WWTR1: variants seen among roughly 807,000 people sequenced by gnomAD.
WWTR1 encodes WW domain containing transcription regulator 1.
WWTR1 carries 13 observed loss-of-function variants against 40.1 expected under a neutral mutation model. The observed-to-expected ratio is 0.32, with a 90% CI of 0.21 to 0.52. The LOEUF is 0.52. WWTR1 is among the 20% of genes least tolerant of loss of function. WWTR1 has a pLI of 0.97. For missense variants in WWTR1, 436 were observed against 523.1 expected (o/e 0.83, Z 1.63); for synonymous variants, 230 against 210.1 (o/e 1.09, Z -0.82).
chr3:149,668,412 G>T (rs1713923227), intron 2 of WWTR1, among the ~76,000 whole-genome samples: 1 of 151,984 alleles, frequency 6.6e-6, no homozygotes, highest in Non-Finnish European at 1.5e-5. Context: ...TTTGAGACCA[G>T]CCTGGCCGAC....
rs1181533843 is a variant in WWTR1, at chr3:149,710,580, C to G, written n.584+6862G>C. On this transcript the variant is annotated intron_variant and non_coding_transcript_variant, in intron 5 of 6. Transcript: ENST00000474080. ...ATCATTATCCCCGCCTCCCCCCCCC[C>G]CCTTTTTTTTTTTTTTTGAGATTGA... Among the ~76,000 whole-genome samples, 24 of 84,454 alleles carry G rather than the reference C, an allele frequency of 2.8e-4. No individual in the cohort carries two copies. The South Asian group carries it at 2.8e-3, about 10-fold the overall frequency. 55.4% of individuals were successfully genotyped at this position (84,454 alleles called of 152,430 possible).
At chr3:149,662,532 G>T (rs563438626), upstream of WWTR1, among the ~76,000 whole-genome samples, 9 of 152,200 alleles carry the variant, frequency 5.9e-5, no homozygotes, top group East Asian at 1.5e-3. Flanking sequence ...AAATGCTATT[G>T]ATTCTTTCTT....
intron 1 of WWTR1, among the ~76,000 whole-genome samples, chr3:149,696,433 C>T (rs1055172899): frequency 6.6e-6 from 1 of 152,202 alleles, no homozygotes; most frequent in African/African-American, 2.4e-5. Flanking sequence ...GATGACCTTA[C>T]AAGGTAAGTA....
intron 4 of WWTR1, among the ~76,000 whole-genome samples, chr3:149,541,774 C>A (rs1736111544): frequency 6.6e-6 from 1 of 152,098 alleles, no homozygotes; most frequent in Admixed American, 6.5e-5. Context: ...CTGAGATCGC[C>A]ACACCATAGA....
intron 2 of WWTR1, among the ~76,000 whole-genome samples, chr3:149,618,225 G>A (rs759720186): frequency 5.3e-5 from 8 of 152,270 alleles, no homozygotes; most frequent in African/African-American, 1.7e-4. Flanking sequence ...AGAACAGTAC[G>A]AAGGACTCCT....
In WWTR1 at chr3:149,552,184, G is replaced by A. The variant is rs1282587827; in HGVS notation, c.569-9647C>T. On this transcript the variant is annotated intron_variant, in intron 3 of 6. Coordinates refer to ENST00000360632, the MANE Select transcript of WWTR1 (RefSeq NM_015472.6). ...CTAACTCTCATGTTCCTGGACTTGT[G>A]CTCTTTATAAACAAGACCTGGGAAA... Among the ~76,000 whole-genome samples, 3 of 144,862 alleles carry A rather than the reference G, an allele frequency of 2.1e-5. 1 individual carries two copies. Among genetic ancestry groups the A allele is most frequent in the Non-Finnish European group, 4.5e-5 (3 of 66,178 alleles).
chr3:149,631,791 A>C (rs547889270), intron 2 of WWTR1, among the ~76,000 whole-genome samples: 1 of 152,316 alleles, frequency 6.6e-6, no homozygotes, highest in South Asian at 2.1e-4. Flanking sequence ...GGGAGACATG[A>C]ATTATCCCAA....
At chr3:149,539,257 C>A (rs1367792635) in intron 4 of WWTR1, among the ~76,000 whole-genome samples, 1 of 152,196 alleles carries the variant, frequency 6.6e-6, no homozygotes, top group African/African-American at 2.4e-5. Context: ...ATATTCTCCA[C>A]AGGGATCTTT....
intron 1 of WWTR1, among the ~76,000 whole-genome samples, chr3:149,687,233 G>A (rs747766467): frequency 3.9e-5 from 6 of 152,224 alleles, no homozygotes; most frequent in Middle Eastern, 3.4e-3. Flanking sequence ...CTTGCCCCGC[G>A]TGCTTATCTG....
intron 2 of WWTR1, among the ~76,000 whole-genome samples, chr3:149,641,692 C>T (rs777089185): frequency 6.6e-6 from 1 of 152,236 alleles, no homozygotes; most frequent in Non-Finnish European, 1.5e-5. Flanking sequence ...AAAATCATTT[C>T]TTTAATGTTG....
At chr3:149,525,829 G>C (rs538842523) in intron 6 of WWTR1, 184 bp downstream of exon 6, 13 of 392,796 alleles carry the variant, frequency 3.3e-5, no homozygotes, top group Non-Finnish European at 4.9e-5. Flanking sequence ...TGGGTGACGA[G>C]AGCAATCGTA....
chr3:149,567,224 A>G (rs923038164), intron 3 of WWTR1, among the ~76,000 whole-genome samples: 4 of 152,148 alleles, frequency 2.6e-5, no homozygotes, highest in African/African-American at 7.2e-5. Flanking sequence ...AAAGCATGAC[A>G]CTTTCTTTTG....
At position 149,573,567 on chromosome 3, in the gene WWTR1, AG is replaced by A; in HGVS notation, c.432-568del. ...CCAAAGGTGACACATAAAACCCTCA[AG>A]AAGCTCACTGTCACCAAGCAAGGTG... On this transcript the variant is annotated intron_variant, in intron 2 of 6. Transcript: ENST00000360632. Among the ~76,000 whole-genome samples the A allele has an allele frequency of 2.0e-5, 3 of 152,312 alleles. No individual in the cohort carries two copies. The South Asian group carries it at 6.2e-4, about 32-fold the overall frequency.
intron 2 of WWTR1, among the ~76,000 whole-genome samples, chr3:149,611,373 T>C (rs1413168508): frequency 6.6e-6 from 1 of 152,176 alleles, no homozygotes; most frequent in African/African-American, 2.4e-5. Context: ...CACTTATCTA[T>C]GTATTGTCTA....
intron 3 of WWTR1, among the ~76,000 whole-genome samples, chr3:149,565,189 A>AAAAT (rs1199115136): frequency 2.0e-5 from 3 of 152,102 alleles, no homozygotes; most frequent in Admixed American, 6.6e-5. Context: ...TGCATCTCAG[A>AAAAT]AAATAAATAA....
At chr3:149,679,417 C>T (rs1352597383) in intron 1 of WWTR1, among the ~76,000 whole-genome samples, 4 of 152,114 alleles carry the variant, frequency 2.6e-5, no homozygotes, top group African/African-American at 9.7e-5. Context: ...ATGAATATGT[C>T]CTAACTTCCT....
At chr3:149,597,445 A>AAAGAAG (rs1227308134) in intron 2 of WWTR1, among the ~76,000 whole-genome samples, 15 of 135,868 alleles carry the variant, frequency 1.1e-4, no homozygotes, top group African/African-American at 4.8e-4. Context: ...AAAAAAAAAA[A>AAAGAAG]AAGAAGAAGA....
At chr3:149,634,904 T>C (rs1223257543) in intron 2 of WWTR1, among the ~76,000 whole-genome samples, 1 of 152,166 alleles carries the variant, frequency 6.6e-6, no homozygotes, top group Non-Finnish European at 1.5e-5. Context: ...CCCTCACAAC[T>C]TAAATCAAAG....
intron 2 of WWTR1, among the ~76,000 whole-genome samples, chr3:149,606,335 C>A (rs1739485562): frequency 6.6e-6 from 1 of 152,168 alleles, no homozygotes; most frequent in African/African-American, 2.4e-5. Flanking sequence ...CTGCTATATG[C>A]CCTGGGTTTC....
Sources: allele counts gnomAD v4.1 joint callset (sites outside exome capture counted in the v4.1 genomes callset), GRCh38; gene constraint gnomAD v4.1.1; transcripts MANE v1.5; gene names NCBI Gene and HGNC (gene_info 2026-07-23, HGNC 2026-07-21).